The following RNF150 variants were observed in gnomAD, a reference collection of about 807,000 sequenced individuals.
RNF150 encodes ring finger protein 150.
RNF150 carries 24 observed loss-of-function variants against 39.3 expected under a neutral mutation model. The observed-to-expected ratio is 0.61, with a 90% confidence interval of 0.44 to 0.86. RNF150 has a LOEUF of 0.86. Ranked by LOEUF, RNF150 falls within the 40% of genes least tolerant of loss-of-function variation. The pLI, the probability that RNF150 is intolerant of heterozygous loss-of-function variation, is 0.00. For synonymous variants in RNF150, 255 were observed against 227.3 expected (o/e 1.12, Z -1.10); for missense variants, 502 against 587.8 (o/e 0.85, Z 1.51).
chr4:141,010,560 C>T (rs1735038156), intron 1 of RNF150, among the ~76,000 whole-genome samples: 1 of 152,164 alleles, frequency 6.6e-6, no homozygotes, highest in Admixed American at 6.5e-5. Flanking sequence ...TACTTTCTAT[C>T]TTCTTCTCTT....
At chr4:140,960,895 C>G (rs796463564) in intron 2 of RNF150, among the ~76,000 whole-genome samples, 3 of 152,152 alleles carry the variant, frequency 2.0e-5, no homozygotes, top group African/African-American at 4.8e-5. Context: ...ATTTAACAAC[C>G]CTCTAATAAT....
chr4:141,090,040 A>G (rs1244085126), intron 1 of RNF150, among the ~76,000 whole-genome samples: 1 of 152,202 alleles, frequency 6.6e-6, no homozygotes, highest in East Asian at 1.9e-4. Context: ...AAAAATCAGC[A>G]TCTTCCAGCC....
At chr4:141,093,025 G>A (rs893723136) in intron 1 of RNF150, among the ~76,000 whole-genome samples, 6 of 152,136 alleles carry the variant, frequency 3.9e-5, no homozygotes, top group African/African-American at 1.4e-4. Context: ...CAGACCCATG[G>A]GGGAAAGAAG....
chr4:140,992,801 C>G (rs997939200), intron 1 of RNF150, among the ~76,000 whole-genome samples: 4 of 152,152 alleles, frequency 2.6e-5, no homozygotes, highest in Admixed American at 2.0e-4. Context: ...GAGAGGATAT[C>G]TGCTGCTTCC....
chr4:141,150,769 G>C (rs1727283623), intron 1 of RNF150, among the ~76,000 whole-genome samples: 1 of 152,022 alleles, frequency 6.6e-6, no homozygotes, highest in African/African-American at 2.4e-5. Flanking sequence ...ATCTTAAGAG[G>C]GCAGGAATTT....
chr4:140,955,203 G>A (rs1001826578), intron 2 of RNF150, among the ~76,000 whole-genome samples: 7 of 152,180 alleles, frequency 4.6e-5, no homozygotes, highest in Non-Finnish European at 1.0e-4. Flanking sequence ...TTTCCATGGT[G>A]TGGATCACCA....
At chr4:140,924,581 A>C (rs1731312602) in intron 5 of RNF150, among the ~76,000 whole-genome samples, 1 of 152,198 alleles carries the variant, frequency 6.6e-6, no homozygotes, top group African/African-American at 2.4e-5. Flanking sequence ...CCATAGACAC[A>C]CATACACACA....
At chr4:140,942,672 C>T (rs1732135367) in intron 4 of RNF150, among the ~76,000 whole-genome samples, 1 of 152,148 alleles carries the variant, frequency 6.6e-6, no homozygotes, top group Non-Finnish European at 1.5e-5. Flanking sequence ...TCTGCATTAT[C>T]CCTAATCCAA....
rs565260181 is a variant in RNF150 at position 141,085,376 on chromosome 4, A to T, written c.484+46949T>A. On this transcript the variant is annotated intron_variant, in intron 1 of 6. Transcript: ENST00000515673. ...GAGATTTGGGTGGGGACACAACCAA[A>T]CCATATCAGGGGCGTAGCCACCATG... Among the ~76,000 whole-genome samples the T allele has an allele frequency of 4.7e-4, 72 of 152,264 alleles. 1 individual carries two copies. The highest frequency in any genetic ancestry group is 1.7e-3 in the African/African-American group (69 of 41,550).
At chr4:140,993,735 T>C (rs1213663907) in intron 1 of RNF150, among the ~76,000 whole-genome samples, 2 of 152,202 alleles carry the variant, frequency 1.3e-5, no homozygotes, top group Non-Finnish European at 2.9e-5. Flanking sequence ...AAAGCCATGA[T>C]TTCTCAAAGA....
In RNF150 at chr4:141,000,047, G is replaced by GAA. The variant is rs1473881714; in HGVS notation, c.485-32176_485-32175dup. 7.6e-4 allele frequency among the ~76,000 whole-genome samples: 69 copies of GAA among 90,564 alleles called. 5 individuals are homozygous for GAA. Among genetic ancestry groups the GAA allele is most frequent in the Non-Finnish European group, 1.3e-3 (54 of 41,322 alleles). The allele number at this position is 90,564 out of a possible 152,430, so 59.4% of individuals were successfully genotyped here. ...AGAAGAAGAAGAAGAAGAAGAAGAA[G>GAA]AAGAAGAAGAAGAAGAAGAAGAAGA... is the stretch of plus-strand genomic sequence containing the variant. On this transcript the variant is annotated intron_variant, in intron 1 of 6. Coordinates refer to ENST00000515673, the MANE Select transcript of RNF150 (RefSeq NM_020724.2).
chr4:140,921,194 ATAATAATAT>A (rs1731119896), intron 5 of RNF150, among the ~76,000 whole-genome samples: 1 of 117,332 alleles, frequency 8.5e-6, no homozygotes, highest in Admixed American at 9.1e-5. Context: ...AATAATAATA[ATAATAATAT>A]AATTGATAGA....
At chr4:140,900,133 CCT>C (rs1036112596) in intron 6 of RNF150, among the ~76,000 whole-genome samples, 18 of 152,206 alleles carry the variant, frequency 1.2e-4, no homozygotes, top group African/African-American at 4.1e-4. Flanking sequence ...CAAATTGTCC[CCT>C]GAGGTTCAAC....
At chr4:141,022,492 G>A (rs1412940531) in intron 1 of RNF150, among the ~76,000 whole-genome samples, 1 of 152,102 alleles carries the variant, frequency 6.6e-6, no homozygotes, top group Non-Finnish European at 1.5e-5. Context: ...TTTTTATTTG[G>A]TTGGCTGACT....
At chr4:141,135,435 G>C (rs1386606033), upstream of RNF150, among the ~76,000 whole-genome samples, 2 of 152,192 alleles carry the variant, frequency 1.3e-5, no homozygotes, top group African/African-American at 4.8e-5. Context: ...AGCATGATGG[G>C]AGTATGTCAA....
chr4:140,927,736 C>T (rs1243327605), intron 4 of RNF150, among the ~76,000 whole-genome samples: 1 of 149,690 alleles, frequency 6.7e-6, no homozygotes, highest in Non-Finnish European at 1.5e-5. Context: ...TCAACCTCTA[C>T]CTCCCGGGTT....
intron 1 of RNF150, among the ~76,000 whole-genome samples, chr4:140,989,627 A>G (rs1734127644): frequency 6.6e-6 from 1 of 152,228 alleles, no homozygotes; most frequent in African/African-American, 2.4e-5. Context: ...TTCCAGAAAG[A>G]GGCAAAATCA....
intron 5 of RNF150, among the ~76,000 whole-genome samples, chr4:140,922,700 T>G (rs140644956): frequency 1.3e-5 from 2 of 151,784 alleles, no homozygotes; most frequent in Non-Finnish European, 2.9e-5. Flanking sequence ...GGAGGCATCA[T>G]GCTACCTGAC....
At chr4:140,925,285 C>T (rs1477730540) in intron 5 of RNF150, among the ~76,000 whole-genome samples, 18 of 152,190 alleles carry the variant, frequency 1.2e-4, no homozygotes, top group South Asian at 8.3e-4. Flanking sequence ...GCAGGCTTCA[C>T]CTGATACAGT....
Sources: allele counts gnomAD v4.1 joint callset (sites outside exome capture counted in the v4.1 genomes callset), GRCh38; gene constraint gnomAD v4.1.1; transcripts MANE v1.5; gene names NCBI Gene and HGNC (gene_info 2026-07-23, HGNC 2026-07-21).